The following DBNL variants were observed in gnomAD, a reference collection of about 807,000 sequenced individuals.
DBNL encodes the protein drebrin-like protein.
Under a neutral mutation model 62.2 loss-of-function variants are expected in DBNL, and 35 were observed. The ratio of observed to expected loss-of-function variants is 0.56; its 90% confidence interval spans 0.43 to 0.75. The LOEUF (loss-of-function observed/expected upper bound fraction) is 0.75. DBNL is among the 30% of genes least tolerant of loss of function. The probability of loss-of-function intolerance (pLI) is 0.00; values close to 1 mark genes in which losing one functional copy is unlikely to be tolerated. For missense variants in DBNL, 495 were observed against 578.4 expected, an observed-to-expected ratio of 0.86 and a Z score of 1.48; for synonymous variants, 197 against 218.0, an observed-to-expected ratio of 0.90 and a Z score of 0.85.
rs1004499294 is a variant in DBNL at position 44,063,117 on chromosome 7, C to T, written c.*2201C>T. 3.1e-6 allele frequency: 2 copies of T among 652,116 alleles called. No individual in the cohort carries two copies. Among genetic ancestry groups the T allele is most frequent in the South Asian group, 3.4e-5 (2 of 58,674 alleles). The allele number at this position is 652,116 out of a possible 1,614,324, so 40.4% of individuals were successfully genotyped here. A position where few individuals can be genotyped will look rare whatever the true frequency, so the allele number is the denominator to read the frequency against. The stretch of plus-strand genomic sequence containing the variant: ...TAACTGAGTTAGACCAAGCAGCCTA[C>T]AGAAATAGCCCAGTGGTGAAAAAAA... On this transcript the variant is annotated 3_prime_UTR_variant, in exon 13 of 13. Coordinates refer to ENST00000448521, the MANE Select transcript of DBNL (RefSeq NM_001014436.3).
chr7:44,050,089 G>T, intron 1 of DBNL, 136 bp from the exon 2 acceptor site: 1 of 928,228 alleles, frequency 1.1e-6, no homozygotes, highest in Non-Finnish European at 1.7e-6. Context: ...AGCAAAGTGA[G>T]AACGGGCCTG....
chr7:44,060,466 C>A lies in DBNL; in HGVS notation c.1154-311C>A, dbSNP rs1242747333. 6.6e-6 allele frequency among the ~76,000 whole-genome samples: 1 copy of A among 152,112 alleles called. No individual in the cohort carries two copies. Among genetic ancestry groups the A allele is most frequent in the African/African-American group, 2.4e-5 (1 of 41,406 alleles). ...GGTGGGCCAGGCCTGGATGCTGGTTCACCAGGCGTCCCTGGGTGGAGGCCT... is the reference window on the plus strand; with the variant it reads ...GGTGGGCCAGGCCTGGATGCTGGTTAACCAGGCGTCCCTGGGTGGAGGCCT... On this transcript the variant is annotated intron_variant, in intron 12 of 12. Coordinates refer to ENST00000448521, the MANE Select transcript of DBNL (RefSeq NM_001014436.3). This position sits in a 1 kb window ranked among gnomAD's most constrained non-coding sequence, Gnocchi z 6.3.
At chr7:44,044,863 A>C in intron 1 of DBNL, 43 bp downstream of exon 1, 1 of 1,174,760 alleles carries the variant, frequency 8.5e-7, no homozygotes, top group Non-Finnish European at 1.1e-6. Flanking sequence ...GGGCTGCCTC[A>C]GGGGTGGGTC....
chr7:44,060,859 TGGG>T lies in DBNL; in HGVS notation c.1237_1239del (p.Gly413del). The T allele has an allele frequency of 6.2e-7, 1 of 1,614,116 alleles. No homozygotes were observed. Among genetic ancestry groups the T allele is most frequent in the Non-Finnish European group, 8.5e-7 (1 of 1,179,988 alleles). ...TCGACGAAGGCTGGTGGCGTGGCTATGGGCCGGATGGCCATTTTGGCATGTTCC... is the reference window on the plus strand; with the variant it reads ...TCGACGAAGGCTGGTGGCGTGGCTATCCGGATGGCCATTTTGGCATGTTCC... On this transcript the variant is annotated inframe_deletion, in exon 13 of 13. Coordinates refer to ENST00000448521, the MANE Select transcript of DBNL (RefSeq NM_001014436.3). The surrounding 1 kb of genome is among the most constrained non-coding windows in gnomAD (Gnocchi z 6.3).
rs539416356 is a variant in DBNL, at chr7:44,060,820, G to A, written c.1197G>A (p.Thr399=). 15 of 1,614,018 alleles carry A rather than the reference G, an allele frequency of 9.3e-6. No homozygotes were observed. Among genetic ancestry groups the A allele is most frequent in the South Asian group, 4.4e-5 (4 of 91,076 alleles). Residue 399 remains threonine (T), a synonymous_variant, in exon 13 of 13, where the codon ACG becomes ACA. Coordinates refer to ENST00000448521, the MANE Select transcript of DBNL (RefSeq NM_001014436.3). The surrounding 1 kb of genome is among the most constrained non-coding windows in gnomAD (Gnocchi z 6.3). The part of the protein sequence containing the change: ...EISFDPENLI[T]GIEVIDEGWW... ...CCTTTGACCCCGAGAACCTCATCAC[G>A]GGCATCGAGGTGATCGACGAAGGCT...
chr7:44,059,897 T>C lies in DBNL; in HGVS notation c.1048-151T>C. 1 of 826,130 alleles carries C rather than the reference T, an allele frequency of 1.2e-6. No individual in the cohort carries two copies. The highest frequency in any genetic ancestry group is 1.7e-5 in the African/African-American group (1 of 58,864). The allele number at this position is 826,130 out of a possible 1,614,324, so 51.2% of individuals were successfully genotyped here. A position where few individuals can be genotyped will look rare whatever the true frequency, so the allele number is the denominator to read the frequency against. ...GCACTGTCCTGTGGCTTCTGTACTC[T>C]GGTAGGGCGGGGACAGCAGCAGCCC... is the stretch of plus-strand genomic sequence containing the variant. On this transcript the variant is annotated intron_variant, in intron 11 of 12. Coordinates refer to ENST00000448521, the MANE Select transcript of DBNL (RefSeq NM_001014436.3). The surrounding 1 kb of genome is among the most constrained non-coding windows in gnomAD (Gnocchi z 4.1).
chr7:44,058,958 C>T lies in DBNL; in HGVS notation c.810C>T (p.Thr270=), dbSNP rs756080135. The T allele has an allele frequency of 1.9e-6, 3 of 1,613,824 alleles. No individual in the cohort carries two copies. The South Asian group carries it at 3.3e-5, about 18-fold the overall frequency. ...IFKQKERAMS[T]TSISSPQPGK... ...AGCAGAAGGAGAGGGCCATGTCCAC[C>T]ACCTCCATCTCCAGTCCTCAGCCTG... The change falls in exon 9 of 13, where the codon ACC becomes ACT. Residue 270 remains threonine (T), a synonymous_variant. Coordinates refer to ENST00000448521, the MANE Select transcript of DBNL (RefSeq NM_001014436.3).
chr7:44,046,645 C>T (rs888069441), intron 1 of DBNL, among the ~76,000 whole-genome samples: 2 of 152,228 alleles, frequency 1.3e-5, no homozygotes, highest in African/African-American at 2.4e-5. Context: ...TCCTGCAGCA[C>T]TACAGGTTGT....
chr7:44,044,724 C>G lies in DBNL; in HGVS notation c.-14C>G. On this transcript the variant is annotated 5_prime_UTR_variant, in exon 1 of 13. Coordinates refer to ENST00000448521, the MANE Select transcript of DBNL (RefSeq NM_001014436.3). ...GGAAGCTACAGCAGCGGCGCGGAGA[C>G]TGCGGGGCGGGCCATGGCGGCGAAC... The G allele has an allele frequency of 1.3e-6, 2 of 1,493,912 alleles. No homozygotes were observed. The highest frequency in any genetic ancestry group is 1.2e-5 in the South Asian group (1 of 80,684). The allele number at this position is 1,493,912 out of a possible 1,614,324, so 92.5% of individuals were successfully genotyped here.
intron 1 of DBNL, among the ~76,000 whole-genome samples, chr7:44,046,965 A>G (rs1375407144): frequency 6.6e-6 from 1 of 152,146 alleles, no homozygotes; most frequent in African/African-American, 2.4e-5. Flanking sequence ...GTTCCTCTTC[A>G]GAGTCCTTGC....
chr7:44,057,868 T>G lies in DBNL; in HGVS notation c.552+9T>G, dbSNP rs1307651188. ...TCTGGGCCAAAGCAGAGGTGAGTGCTGCCCCGGGGCATGCTGGGCACGTGG... is the reference window on the plus strand; with the variant it reads ...TCTGGGCCAAAGCAGAGGTGAGTGCGGCCCCGGGGCATGCTGGGCACGTGG... On this transcript the variant is annotated intron_variant, in intron 6 of 12. Coordinates refer to ENST00000448521, the MANE Select transcript of DBNL (RefSeq NM_001014436.3). 1.2e-6 allele frequency: 2 copies of G among 1,614,156 alleles called. No homozygotes were observed. The highest frequency in any genetic ancestry group is 1.7e-5 in the Admixed American group (1 of 60,024).
rs751811504 is a variant in DBNL at position 44,058,945 on chromosome 7, G to T, written c.797G>T (p.Arg266Met). Residue 266 changes from arginine to methionine, a missense_variant, in exon 9 of 13, where the codon AGG (arginine) becomes ATG (methionine). By Grantham distance (91) the Arg-to-Met change is moderately conservative. Coordinates refer to ENST00000448521, the MANE Select transcript of DBNL (RefSeq NM_001014436.3). ...AGGGAGATTTTCAAGCAGAAGGAGA[G>T]GGCCATGTCCACCACCTCCATCTCC... ...HPREIFKQKE[R>M]AMSTTSISSP... The T allele has an allele frequency of 6.2e-7, 1 of 1,613,926 alleles. No individual in the cohort carries two copies. Among genetic ancestry groups the T allele is most frequent in the South Asian group, 1.1e-5 (1 of 91,080 alleles).
chr7:44,048,336 C>G (rs1341246828), intron 1 of DBNL, among the ~76,000 whole-genome samples: 2 of 152,252 alleles, frequency 1.3e-5, no homozygotes, highest in African/African-American at 4.8e-5. Context: ...CTTCTTTCCT[C>G]CAGGGAGTTC....
chr7:44,063,216 C>T lies in DBNL; in HGVS notation c.*2300C>T. 3 of 484,266 alleles carry T rather than the reference C, an allele frequency of 6.2e-6. No individual in the cohort carries two copies. The highest frequency in any genetic ancestry group is 1.1e-5 in the Non-Finnish European group (3 of 264,162). 30.0% of individuals were successfully genotyped at this position (484,266 alleles called of 1,614,324 possible). On this transcript the variant is annotated 3_prime_UTR_variant, in exon 13 of 13. Coordinates refer to ENST00000448521, the MANE Select transcript of DBNL (RefSeq NM_001014436.3). The stretch of plus-strand genomic sequence containing the variant: ...CCATAGTTCCCTCAGCCCAGTGTGA[C>T]TCCAGCCAGACTGAAGTTGAGGGTC...
chr7:44,063,083 G>T lies in DBNL; in HGVS notation c.*2167G>T. The T allele has an allele frequency of 1.2e-6, 1 of 808,734 alleles. No individual in the cohort carries two copies. Among genetic ancestry groups the T allele is most frequent in the Non-Finnish European group, 2.1e-6 (1 of 479,652 alleles). 50.1% of individuals were successfully genotyped at this position (808,734 alleles called of 1,614,324 possible). ...CGAGGCCACAGAAATGTTGCCAAAGGTCAAGGAGTAACTGAGTTAGACCAA... is the reference window on the plus strand; with the variant it reads ...CGAGGCCACAGAAATGTTGCCAAAGTTCAAGGAGTAACTGAGTTAGACCAA... On this transcript the variant is annotated 3_prime_UTR_variant, in exon 13 of 13. Coordinates refer to ENST00000448521, the MANE Select transcript of DBNL (RefSeq NM_001014436.3).
Position 44,064,976 on chromosome 7 carries a change from G to T in DBNL, c.*4060G>T. On this transcript the variant is annotated 3_prime_UTR_variant, in exon 13 of 13. Coordinates refer to ENST00000448521, the MANE Select transcript of DBNL (RefSeq NM_001014436.3). Reference sequence around the variant, plus strand: ...GTGTCCTTGAGGCTCTCGCAGGTGGGGAGTTCCCCGGGCTTCAGGCCTGCG... The same window carrying T: ...GTGTCCTTGAGGCTCTCGCAGGTGGTGAGTTCCCCGGGCTTCAGGCCTGCG... 1 of 1,607,066 alleles carries T rather than the reference G, an allele frequency of 6.2e-7. No individual in the cohort carries two copies. The highest frequency in any genetic ancestry group is 1.1e-5 in the South Asian group (1 of 90,858).
chr7:44,067,574 T>G lies in DBNL; in HGVS notation c.*6658T>G, dbSNP rs2096162323. On this transcript the variant is annotated 3_prime_UTR_variant, in exon 13 of 13. Transcript: ENST00000448521. ...TCTGACCCTTGGCTCCGGCTTGACT[T>G]TCCTTTGATTCATTTGACAAGTAGT... The G allele has an allele frequency of 6.6e-6, 1 of 152,212 alleles. No individual in the cohort carries two copies. The highest frequency in any genetic ancestry group is 2.4e-5 in the African/African-American group (1 of 41,454). The allele number at this position is 152,212 out of a possible 1,614,324, so 9.4% of individuals were successfully genotyped here. A position where few individuals can be genotyped will look rare whatever the true frequency, so the allele number is the denominator to read the frequency against.
intron 1 of DBNL, among the ~76,000 whole-genome samples, chr7:44,048,045 T>C (rs1335984946): frequency 6.6e-6 from 1 of 151,646 alleles, no homozygotes; most frequent in African/African-American, 2.4e-5. Flanking sequence ...GCGTCCCAAG[T>C]AGCTGGGATT....
intron 8 of DBNL, 31 bp downstream of exon 8, chr7:44,058,511 C>G (rs1373115803): frequency 1.9e-6 from 3 of 1,612,402 alleles, no homozygotes. Context: ...TTGTTTGGAC[C>G]TGTCCTGGCC....
Sources: allele counts gnomAD v4.1 joint callset (sites outside exome capture counted in the v4.1 genomes callset), GRCh38; gene constraint gnomAD v4.1.1; non-coding constraint Gnocchi (gnomAD v3.1); transcripts MANE v1.5; gene names NCBI Gene and HGNC (gene_info 2026-07-23, HGNC 2026-07-21).